BSPH1: variants seen among roughly 807,000 people sequenced by gnomAD.
BSPH1 encodes the protein binder of sperm 1.
BSPH1 carries 21 observed loss-of-function variants against 22.5 expected under a neutral mutation model. The ratio of observed to expected loss-of-function variants is 0.93; its 90% confidence interval spans 0.66 to 1.35. The LOEUF (loss-of-function observed/expected upper bound fraction) is 1.35, where lower values mean the gene tolerates loss of function less well. Among genes scored for constraint, BSPH1 ranks in the 40% most tolerant of loss-of-function variants. The pLI, the probability that BSPH1 is intolerant of heterozygous loss-of-function variation, is 0.00. For missense variants in BSPH1, 141 were observed against 154.2 expected, an observed-to-expected ratio of 0.91 and a Z score of 0.45; for synonymous variants, 42 against 53.6, an observed-to-expected ratio of 0.78 and a Z score of 0.95.
Position 47,977,487 on chromosome 19 carries a change from G to A in BSPH1, c.142C>T (p.Pro48Ser). 6.4e-7 allele frequency: 1 copy of A among 1,551,614 alleles called. No homozygotes were observed. The highest frequency in any genetic ancestry group is 8.7e-7 in the Non-Finnish European group (1 of 1,146,958). The change falls in exon 4 of 6, where the codon CCA becomes TCA. Residue 48 changes from proline (P) to serine (S), a missense_variant. Coordinates refer to ENST00000344839, the MANE Select transcript of BSPH1 (RefSeq NM_001128326.2). ...PEVTDGECVFPFHYKNGTYYD... is the reference protein window; with the variant it reads ...PEVTDGECVFSFHYKNGTYYD... ...TATGTTCCATTTTTATAGTGGAATG[G>A]AAAGACACACTCCCCATCTAGAGAA...
At chr19:47,986,332 A>C (rs919505527) in intron 1 of BSPH1, among the ~76,000 whole-genome samples, 2 of 152,196 alleles carry the variant, frequency 1.3e-5, no homozygotes, top group Non-Finnish European at 2.9e-5. Flanking sequence ...GAAGAGCAAT[A>C]ACAATGAATG....
At chr19:47,969,659 C>T (rs2122235742) in intron 5 of BSPH1, among the ~76,000 whole-genome samples, 1 of 139,758 alleles carries the variant, frequency 7.2e-6, no homozygotes, top group Admixed American at 7.4e-5. Context: ...AGGAAGAAGC[C>T]ACTACCTGTA....
chr19:47,981,840 T>G (rs1261560665), intron 1 of BSPH1: 1 of 525,564 alleles, frequency 1.9e-6, no homozygotes, highest in African/African-American at 2.1e-5. Flanking sequence ...CCTGTAATAT[T>G]TACCTCCCCC....
intron 3 of BSPH1, chr19:47,977,792 A>G (rs1969379405): frequency 2.1e-6 from 1 of 466,670 alleles, no homozygotes; most frequent in South Asian, 9.1e-5. Flanking sequence ...AGAAATATAA[A>G]TGTGGGCATT....
intron 5 of BSPH1, among the ~76,000 whole-genome samples, chr19:47,968,681 T>TTAA (rs1969280268): frequency 1.1e-5 from 1 of 92,218 alleles, no homozygotes; most frequent in Non-Finnish European, 2.0e-5. Context: ...GACCCTGTCT[T>TTAA]AAAAAAAAAA....
intron 5 of BSPH1, among the ~76,000 whole-genome samples, chr19:47,969,117 C>T (rs1385777165): frequency 2.6e-5 from 4 of 151,776 alleles, no homozygotes; most frequent in Admixed American, 2.0e-4. Context: ...GGGGCTGGTG[C>T]TGGTGACACC....
intron 1 of BSPH1, among the ~76,000 whole-genome samples, chr19:47,989,565 TC>T (rs78670134): frequency 0.12 from 18,536 of 151,940 alleles, 1,514 homozygotes; most frequent in East Asian, 0.34. Context: ...ACCTCCTCTG[TC>T]CCACTTGACT....
chr19:47,979,533 A>G, intron 3 of BSPH1, 37 bp downstream of exon 3: 1 of 1,030,216 alleles, frequency 9.7e-7, no homozygotes, highest in South Asian at 1.6e-5. Flanking sequence ...TTAAAAGAAA[A>G]TATACATTAA....
chr19:47,968,680 T>TCA (rs1969280210), intron 5 of BSPH1, among the ~76,000 whole-genome samples: 2 of 29,568 alleles, frequency 6.8e-5, no homozygotes, highest in African/African-American at 1.1e-4. Flanking sequence ...AGACCCTGTC[T>TCA]TAAAAAAAAA....
intron 2 of BSPH1, chr19:47,980,437 A>T (rs1371524369): frequency 4.0e-6 from 2 of 500,212 alleles, no homozygotes; most frequent in African/African-American, 4.1e-5. Context: ...CCAAAAGTAA[A>T]ATTAACAGTA....
chr19:47,974,880 C>T (rs1969347265), intron 5 of BSPH1, among the ~76,000 whole-genome samples: 1 of 152,086 alleles, frequency 6.6e-6, no homozygotes, highest in South Asian at 2.1e-4. Flanking sequence ...CTGGTCACCT[C>T]ACTCTCCACT....
At chr19:47,985,087 A>G (rs1475316056) in intron 1 of BSPH1, among the ~76,000 whole-genome samples, 1 of 151,648 alleles carries the variant, frequency 6.6e-6, no homozygotes, top group Non-Finnish European at 1.5e-5. Context: ...AAGAAAGAAA[A>G]AGAAAAAGAA....
At chr19:47,981,580 T>G (rs1969420210) in intron 1 of BSPH1, among the ~76,000 whole-genome samples, 1 of 152,212 alleles carries the variant, frequency 6.6e-6, no homozygotes, top group Admixed American at 6.5e-5. Context: ...GCAATTCAAT[T>G]TGAATCCCCC....
intron 2 of BSPH1, 38 bp downstream of exon 2, chr19:47,980,883 G>C: frequency 7.8e-7 from 1 of 1,289,762 alleles, no homozygotes; most frequent in Non-Finnish European, 1.1e-6. Flanking sequence ...GCAAAAATTT[G>C]AAAAGAAACG....
chr19:47,972,496 G>A (rs1394895726), intron 5 of BSPH1, among the ~76,000 whole-genome samples: 1 of 151,910 alleles, frequency 6.6e-6, no homozygotes, highest in African/African-American at 2.4e-5. Flanking sequence ...TTCTCCATGT[G>A]TTCTCAATGC....
chr19:47,982,612 C>A (rs1292130142), intron 1 of BSPH1, among the ~76,000 whole-genome samples: 4 of 152,040 alleles, frequency 2.6e-5, no homozygotes, highest in Non-Finnish European at 5.9e-5. Flanking sequence ...GGTATATATA[C>A]AAAATAATTG....
intron 3 of BSPH1, among the ~76,000 whole-genome samples, chr19:47,978,745 T>C (rs1272379285): frequency 6.6e-6 from 1 of 152,270 alleles, no homozygotes; most frequent in African/African-American, 2.4e-5. Flanking sequence ...GATTTCTGCC[T>C]TGCTTTAAAA....
chr19:47,987,304 C>A (rs554059843), intron 1 of BSPH1, among the ~76,000 whole-genome samples: 1 of 152,076 alleles, frequency 6.6e-6, no homozygotes, highest in East Asian at 1.9e-4. Context: ...TGATTAACCC[C>A]GTCCTCGGAA....
chr19:47,976,435 A>G (rs1332059524), intron 5 of BSPH1, among the ~76,000 whole-genome samples: 1 of 152,092 alleles, frequency 6.6e-6, no homozygotes, highest in Non-Finnish European at 1.5e-5. Context: ...CCTACCCCAT[A>G]GACTTAATTT....
Sources: gnomAD v4.1 joint callset for allele counts (sites outside exome capture counted in the v4.1 genomes callset) on GRCh38, gnomAD v4.1.1 for gene constraint, MANE v1.5 for transcripts, NCBI Gene and HGNC (gene_info 2026-07-23, HGNC 2026-07-21) for gene names.